GMCL1: variants seen among roughly 807,000 people sequenced by gnomAD.
GMCL1 encodes germ cell-less 1, spermatogenesis associated.
GMCL1 carries 54 observed loss-of-function variants against 75.5 expected under a neutral mutation model. That is an observed-to-expected ratio of 0.71 (90% CI 0.57 to 0.90). GMCL1 has a LOEUF of 0.90. Ranked by LOEUF, GMCL1 falls within the 40% of genes least tolerant of loss-of-function variation. The pLI is 0.00. For missense variants in GMCL1, 537 were observed against 622.7 expected (o/e 0.86, Z 1.47); for synonymous variants, 210 against 209.6 (o/e 1.00, Z -0.02).
intron 11 of GMCL1, among the ~76,000 whole-genome samples, chr2:69,868,542 ATTTTAT>A (rs1161050322): frequency 1.2e-4 from 18 of 151,722 alleles, no homozygotes; most frequent in South Asian, 1.0e-3. Context: ...GAGTTAGAGT[ATTTTAT>A]TTTTATTTTT....
intron 1 of GMCL1, among the ~76,000 whole-genome samples, chr2:69,834,163 C>G (rs1346081302): frequency 1.3e-5 from 2 of 152,134 alleles, no homozygotes; most frequent in East Asian, 3.9e-4. Flanking sequence ...TTCCCCCACT[C>G]TTGTCAAAAT....
At chr2:69,868,565 ATTTTTTTTT>A (rs1675885752) in intron 11 of GMCL1, among the ~76,000 whole-genome samples, 1 of 149,462 alleles carries the variant, frequency 6.7e-6, no homozygotes, top group Admixed American at 6.6e-5. Flanking sequence ...TTTTATTTTT[ATTTTTTTTT>A]ATTCTTTTTT....
At chr2:69,876,494 G>C (rs1676132753) in intron 13 of GMCL1, among the ~76,000 whole-genome samples, 1 of 152,182 alleles carries the variant, frequency 6.6e-6, no homozygotes, top group Non-Finnish European at 1.5e-5. Context: ...AGAGCATCAA[G>C]GTGAAAATTT....
intron 9 of GMCL1, among the ~76,000 whole-genome samples, chr2:69,857,394 C>G (rs1675506065): frequency 6.6e-6 from 1 of 152,198 alleles, no homozygotes; most frequent in African/African-American, 2.4e-5. Context: ...ATTCACATTT[C>G]AACACTAAGC....
chr2:69,852,396 A>G (rs1443708573), intron 8 of GMCL1, among the ~76,000 whole-genome samples: 2 of 152,214 alleles, frequency 1.3e-5, no homozygotes, highest in Non-Finnish European at 2.9e-5. Context: ...ACCAAAATGT[A>G]TGTCTGATGC....
At chr2:69,863,146 A>G (rs1463357314) in intron 10 of GMCL1, among the ~76,000 whole-genome samples, 1 of 152,188 alleles carries the variant, frequency 6.6e-6, no homozygotes, top group Non-Finnish European at 1.5e-5. Context: ...CTAGTCCCGC[A>G]GTTAGTTGAC....
chr2:69,845,185 G>C (rs534209346), intron 6 of GMCL1, among the ~76,000 whole-genome samples: 1 of 152,342 alleles, frequency 6.6e-6, no homozygotes, highest in Admixed American at 6.5e-5. Context: ...GGGCTGCAGA[G>C]GCTCCTGCAG....
At chr2:69,839,614 G>T (rs1674924756) in intron 3 of GMCL1, 61 bp downstream of exon 3, 1 of 1,089,908 alleles carries the variant, frequency 9.2e-7, no homozygotes, top group Admixed American at 1.9e-5. Context: ...TATTCTTCTG[G>T]TAGAAGATAA....
intron 1 of GMCL1, among the ~76,000 whole-genome samples, chr2:69,837,226 A>G (rs772572590): frequency 6.6e-6 from 1 of 152,200 alleles, no homozygotes; most frequent in Non-Finnish European, 1.5e-5. Flanking sequence ...TAACTTCTTA[A>G]TCTATTGAAT....
rs561045391 is a variant in GMCL1 at position 69,857,102 on chromosome 2, A to T, written c.1072+2142A>T. Reference sequence around the variant, plus strand: ...TTTTCAGGCTATTATATAGCCTAGCATGTTCATAGCCTCATTCCCTTTTAC... The same window carrying T: ...TTTTCAGGCTATTATATAGCCTAGCTTGTTCATAGCCTCATTCCCTTTTAC... On this transcript the variant is annotated intron_variant, in intron 9 of 13. Transcript: ENST00000282570. Among the ~76,000 whole-genome samples, 13 of 152,306 alleles carry T rather than the reference A, an allele frequency of 8.5e-5. No individual in the cohort carries two copies. The South Asian group carries it at 2.7e-3, about 32-fold the overall frequency.
At chr2:69,864,465 G>C (rs1028436865) in intron 10 of GMCL1, among the ~76,000 whole-genome samples, 3 of 151,752 alleles carry the variant, frequency 2.0e-5, no homozygotes, top group Non-Finnish European at 4.4e-5. Context: ...ATTTTGCATA[G>C]TTACACTATA....
At position 69,859,135 on chromosome 2, in the gene GMCL1, ACT is replaced by A. The variant is rs1384182523; in HGVS notation, c.1073-2140_1073-2139del. 6.1e-5 allele frequency among the ~76,000 whole-genome samples: 8 copies of A among 131,902 alleles called. No homozygotes were observed. The South Asian group carries it at 7.0e-4, about 12-fold the overall frequency. 86.5% of individuals were successfully genotyped at this position (131,902 alleles called of 152,430 possible). The stretch of plus-strand genomic sequence containing the variant: ...CACTCCAGCCTGGTGACAGAGCAAG[ACT>A]CTGTCTCAAAAAAAAAAAAAAAAAA... On this transcript the variant is annotated intron_variant, in intron 9 of 13. Transcript: ENST00000282570.
intron 9 of GMCL1, among the ~76,000 whole-genome samples, chr2:69,855,254 C>T (rs1266082936): frequency 6.6e-6 from 1 of 151,760 alleles, no homozygotes; most frequent in Admixed American, 6.6e-5. Flanking sequence ...TTGGATGAGA[C>T]TTTTTAAAAT....
At chr2:69,838,899 T>C (rs1674900131) in intron 2 of GMCL1, among the ~76,000 whole-genome samples, 1 of 152,210 alleles carries the variant, frequency 6.6e-6, no homozygotes, top group Non-Finnish European at 1.5e-5. Flanking sequence ...TACTAAGTAC[T>C]CAGTAACATT....
chr2:69,849,896 C>G (rs1024233639), intron 8 of GMCL1, among the ~76,000 whole-genome samples, 154 bp downstream of exon 8: 3 of 152,156 alleles, frequency 2.0e-5, no homozygotes, highest in Non-Finnish European at 2.9e-5. Flanking sequence ...AAGACCTTAG[C>G]AATTATCTAC....
chr2:69,867,853 C>T (rs916037349), intron 11 of GMCL1, among the ~76,000 whole-genome samples: 1 of 152,162 alleles, frequency 6.6e-6, no homozygotes, highest in Non-Finnish European at 1.5e-5. Flanking sequence ...TTGATCCTCC[C>T]ATTAGCTGAG....
rs1271092384 is a variant in GMCL1, at chr2:69,856,929, T to G, written c.1072+1969T>G. 2.0e-5 allele frequency among the ~76,000 whole-genome samples: 3 copies of G among 152,252 alleles called. 1 individual carries two copies. The highest frequency in any genetic ancestry group is 7.2e-5 in the African/African-American group (3 of 41,548). ...TCCATATGAACAAATACATTTAATA[T>G]CCCAGCCTCCTAGTAGTTTTTTGAC... On this transcript the variant is annotated intron_variant, in intron 9 of 13. Transcript: ENST00000282570.
intron 5 of GMCL1, 35 bp from the exon 6 acceptor site, chr2:69,844,096 G>A (rs375457887): frequency 5.1e-6 from 5 of 981,836 alleles, no homozygotes; most frequent in Admixed American, 4.9e-5. Context: ...TAAATACATG[G>A]CATATAATGT....
intron 10 of GMCL1, among the ~76,000 whole-genome samples, chr2:69,864,130 TACTGA>T (rs1675738474): frequency 6.6e-6 from 1 of 152,092 alleles, no homozygotes; most frequent in Non-Finnish European, 1.5e-5. Context: ...TCTAGTTCCC[TACTGA>T]ACTGAGCTCT....
Sources: allele counts gnomAD v4.1 joint callset (sites outside exome capture counted in the v4.1 genomes callset), GRCh38; gene constraint gnomAD v4.1.1; transcripts MANE v1.5; gene names NCBI Gene and HGNC (gene_info 2026-07-23, HGNC 2026-07-21).